XKR6: variants seen among roughly 807,000 people sequenced by gnomAD.
XKR6 encodes XK related 6.
A neutral mutation model predicts 56.7 loss-of-function variants in XKR6; 22 were observed. That is an observed-to-expected ratio of 0.39 (90% CI 0.28 to 0.55). The LOEUF is 0.55. Ranked by LOEUF, XKR6 falls within the 20% of genes least tolerant of loss-of-function variation. The pLI, the probability that XKR6 is intolerant of heterozygous loss-of-function variation, is 0.66. For synonymous variants in XKR6, 524 were observed against 387.8 expected (o/e 1.35, Z -4.13); for missense variants, 852 against 889.0 (o/e 0.96, Z 0.53).
chr8:11,172,722 A>T (rs145543634), intron 1 of XKR6, among the ~76,000 whole-genome samples: 1 of 152,290 alleles, frequency 6.6e-6, no homozygotes, highest in East Asian at 1.9e-4. Context: ...ATCAATTTTA[A>T]ATTCCAAAGC....
intron 1 of XKR6, among the ~76,000 whole-genome samples, chr8:10,952,234 G>A (rs754478921): frequency 2.4e-4 from 36 of 152,036 alleles, no homozygotes; most frequent in Non-Finnish European, 3.5e-4. Context: ...TGACGTTCCC[G>A]CTCTGAAGTG....
intron 1 of XKR6, among the ~76,000 whole-genome samples, chr8:11,195,883 A>C (rs528650437): frequency 1.3e-5 from 2 of 149,552 alleles, no homozygotes; most frequent in East Asian, 3.9e-4. Flanking sequence ...CGATCTCCTG[A>C]CCTCATGATC....
At position 10,974,115 on chromosome 8, in the gene XKR6, T is replaced by C. The variant is rs541478130; in HGVS notation, c.765-49285A>G. On this transcript the variant is annotated intron_variant, in intron 1 of 2. Coordinates refer to ENST00000416569, the MANE Select transcript of XKR6 (RefSeq NM_173683.4). ...GTGATCTCTTGTCATTCTCTCTCAG[T>C]TGGCTCTGTGAGGAGATGGTGGGGG... 3.0e-4 allele frequency among the ~76,000 whole-genome samples: 45 copies of C among 152,320 alleles called. 1 individual carries two copies. In the South Asian group the frequency reaches 9.3e-3, roughly 32 times the overall value.
intron 1 of XKR6, among the ~76,000 whole-genome samples, chr8:10,997,872 G>C (rs936255971): frequency 6.6e-6 from 1 of 152,174 alleles, no homozygotes; most frequent in Non-Finnish European, 1.5e-5. Context: ...GGGTCAGAGG[G>C]GGAAGGCAAG....
intron 1 of XKR6, among the ~76,000 whole-genome samples, chr8:11,095,455 T>C (rs771964365): frequency 9.9e-5 from 15 of 152,200 alleles, no homozygotes; most frequent in African/African-American, 3.1e-4. Context: ...GCCAGTCAAA[T>C]AGGTAACACT....
intron 1 of XKR6, among the ~76,000 whole-genome samples, chr8:11,072,624 G>C (rs986471980): frequency 3.3e-5 from 5 of 152,244 alleles, no homozygotes; most frequent in Non-Finnish European, 7.3e-5. Context: ...TGGGACTCTG[G>C]GTAGAGAAGG....
chr8:11,034,606 C>T (rs573689211), intron 1 of XKR6, among the ~76,000 whole-genome samples: 8 of 152,342 alleles, frequency 5.3e-5, no homozygotes, highest in South Asian at 4.1e-4. Context: ...GTCAGCCTGA[C>T]AGCAGCTTAA....
chr8:11,156,772 AG>A (rs1332634926), intron 1 of XKR6, among the ~76,000 whole-genome samples: 1 of 152,112 alleles, frequency 6.6e-6, no homozygotes, highest in African/African-American at 2.4e-5. Context: ...TAAATGACGT[AG>A]GTAAATACTC....
At chr8:11,075,765 C>T (rs556093735) in intron 1 of XKR6, among the ~76,000 whole-genome samples, 2 of 152,058 alleles carry the variant, frequency 1.3e-5, no homozygotes, top group Admixed American at 6.6e-5. Context: ...CCCAGCTATT[C>T]GTGAGGCTGA....
In XKR6 at chr8:10,951,300, G is replaced by GTGTGTGTGTGT. The variant is rs988183717; in HGVS notation, c.765-26471_765-26470insACACACACACA. 6.4e-3 allele frequency among the ~76,000 whole-genome samples: 787 copies of GTGTGTGTGTGT among 122,332 alleles called. 7 individuals are homozygous for GTGTGTGTGTGT. The highest frequency in any genetic ancestry group is 0.031 in the African/African-American group (734 of 23,822). 80.3% of individuals were successfully genotyped at this position (122,332 alleles called of 152,430 possible). On this transcript the variant is annotated intron_variant, in intron 1 of 2. Coordinates refer to ENST00000416569, the MANE Select transcript of XKR6 (RefSeq NM_173683.4). ...GGATAGAAAAGTGTGTGTGTGTGTG[G>GTGTGTGTGTGT]GGGGGGGGGGCCCCCACAGTGGTGA...
intron 1 of XKR6, among the ~76,000 whole-genome samples, chr8:11,093,623 G>C (rs2129173677): frequency 6.6e-6 from 1 of 151,136 alleles, no homozygotes; most frequent in Non-Finnish European, 1.5e-5. Flanking sequence ...TTTAGTTTAA[G>C]TATTTTATAC....
intron 2 of XKR6, among the ~76,000 whole-genome samples, chr8:10,914,828 T>C (rs1367948219): frequency 6.6e-6 from 1 of 152,184 alleles, no homozygotes; most frequent in Non-Finnish European, 1.5e-5. Context: ...GCCCCTGGCG[T>C]CCAGTACAGA....
intron 1 of XKR6, among the ~76,000 whole-genome samples, chr8:11,002,724 C>G (rs974172772): frequency 2.6e-5 from 4 of 152,230 alleles, no homozygotes; most frequent in African/African-American, 7.2e-5. Context: ...CAAGCATTGT[C>G]TTCTTCCACC....
At chr8:11,041,296 G>A (rs189687550) in intron 1 of XKR6, among the ~76,000 whole-genome samples, 35 of 152,268 alleles carry the variant, frequency 2.3e-4, no homozygotes, top group African/African-American at 7.7e-4. Flanking sequence ...GGTGGCTCAC[G>A]CCTGTAATCC....
chr8:10,910,142 G>T (rs1410637955), intron 2 of XKR6, among the ~76,000 whole-genome samples: 2 of 152,034 alleles, frequency 1.3e-5, no homozygotes, highest in African/African-American at 4.8e-5. Context: ...GGTGCTGCTG[G>T]CATCTGGCAG....
chr8:10,903,164 C>A (rs1187118832), intron 2 of XKR6, among the ~76,000 whole-genome samples: 2 of 152,214 alleles, frequency 1.3e-5, no homozygotes, highest in Non-Finnish European at 2.9e-5. Flanking sequence ...CTGGACCTGT[C>A]TGTGACATTG....
At chr8:11,151,808 G>A (rs1045232864) in intron 1 of XKR6, among the ~76,000 whole-genome samples, 3 of 151,480 alleles carry the variant, frequency 2.0e-5, no homozygotes, top group African/African-American at 7.3e-5. Flanking sequence ...CAGCTTTTAC[G>A]TGTTCCCAGT....
rs1804215355 is a variant in XKR6 at position 11,201,231 on chromosome 8, C to T, written c.109G>A (p.Gly37Ser). ...CCGTCGCCGCCGCCGCCGCAGCCGC[C>T]TCCCCCGGGCTCCCCGTCCTCCTCG... Reference protein sequence around the residue: ...GGEEDGEPGGGGCGGGGDGSE... With the variant: ...GGEEDGEPGGSGCGGGGDGSE... The change falls in exon 1 of 3, where the codon GGC (glycine) becomes AGC (serine). Residue 37 changes from glycine to serine, a missense_variant. Transcript: ENST00000416569. 17 of 1,549,690 alleles carry T rather than the reference C, an allele frequency of 1.1e-5. No homozygotes were observed. The highest frequency in any genetic ancestry group is 1.5e-5 in the Non-Finnish European group (17 of 1,156,500).
chr8:11,194,280 G>C (rs1174389427), intron 1 of XKR6, among the ~76,000 whole-genome samples: 1 of 152,174 alleles, frequency 6.6e-6, no homozygotes, highest in Non-Finnish European at 1.5e-5. Flanking sequence ...AGGAAACTGA[G>C]GCCAGTGGTT....
Sources: allele counts gnomAD v4.1 joint callset (sites outside exome capture counted in the v4.1 genomes callset), GRCh38; gene constraint gnomAD v4.1.1; transcripts MANE v1.5; gene names NCBI Gene and HGNC (gene_info 2026-07-23, HGNC 2026-07-21).